PLB1: variants seen among roughly 807,000 people sequenced by gnomAD.
The protein encoded by PLB1 is phospholipase B1, also known as phospholipase B1, membrane-associated.
In PLB1, 242 loss-of-function variants were observed where a neutral mutation model predicts 227.4. That is an observed-to-expected ratio of 1.06 (90% CI 0.96 to 1.18). PLB1 has a LOEUF of 1.18. Among genes scored for constraint, PLB1 ranks in the 50% most tolerant of loss-of-function variants. The pLI is 0.00. For missense variants in PLB1, 1,858 were observed against 1,816.3 expected, an observed-to-expected ratio of 1.02 and a Z score of -0.42; for synonymous variants, 757 against 682.2, an observed-to-expected ratio of 1.11 and a Z score of -1.71.
At chr2:28,576,558 C>T (rs1213921100) in intron 21 of PLB1, among the ~76,000 whole-genome samples, 4 of 152,114 alleles carry the variant, frequency 2.6e-5, no homozygotes, top group Non-Finnish European at 4.4e-5. Flanking sequence ...GGTGAAATCC[C>T]GTCTCTACTA....
intron 30 of PLB1, 95 bp from the exon 31 acceptor site, chr2:28,591,605 A>T: frequency 7.8e-7 from 1 of 1,287,244 alleles, no homozygotes; most frequent in South Asian, 1.2e-5. Context: ...GGACCCAGGA[A>T]TCTGTATTTT....
At chr2:28,574,182 T>C (rs901220155) in intron 21 of PLB1, among the ~76,000 whole-genome samples, 4 of 152,160 alleles carry the variant, frequency 2.6e-5, no homozygotes, top group African/African-American at 9.7e-5. Flanking sequence ...CTTATACTAT[T>C]TGTATTTATT....
At chr2:28,498,228 T>A (rs1353696282) in intron 1 of PLB1, among the ~76,000 whole-genome samples, 2 of 151,588 alleles carry the variant, frequency 1.3e-5, no homozygotes, top group African/African-American at 4.8e-5. Context: ...ATGTTGTTAT[T>A]ATTATTTCTT....
Position 28,629,158 on chromosome 2 carries a change from G to C in PLB1, c.3791G>C (p.Gly1264Ala). 1 of 1,613,894 alleles carries C rather than the reference G, an allele frequency of 6.2e-7. No homozygotes were observed. Among genetic ancestry groups the C allele is most frequent in the Non-Finnish European group, 8.5e-7 (1 of 1,179,916 alleles). ...CTGGCTAGCCTGTACCAGGGCCAAG[G>C]CGGGAAATGTGCCATGCTGGCAGCT... ...MELASLYQGQ[G>A]GKCAMLAAQN... Residue 1264 changes from glycine (G) to alanine (A), a missense_variant, in exon 53 of 58, where the codon GGC becomes GCC. Physicochemically the swap from Gly to Ala is moderately conservative, Grantham distance 60. Coordinates refer to ENST00000327757, the MANE Select transcript of PLB1 (RefSeq NM_153021.5).
In PLB1 at chr2:28,604,697, C is replaced by A. The variant is rs752096627; in HGVS notation, c.2899C>A (p.Gln967Lys). The A allele has an allele frequency of 3.1e-6, 5 of 1,614,198 alleles. No homozygotes were observed. In the South Asian group the frequency reaches 5.5e-5, roughly 18 times the overall value. Residue 967 changes from glutamine (Q) to lysine (K), a missense_variant, in exon 41 of 58, where the codon CAG (glutamine) becomes AAG (lysine). Coordinates refer to ENST00000327757, the MANE Select transcript of PLB1 (RefSeq NM_153021.5). ...GGTGGGGTCAGGCCGCTATGACACG[C>A]AGGAGGACTTCTCTGTGGTGCTGCA... Reference protein sequence around the residue: ...ELVGSGRYDTQEDFSVVLQPF... With the variant: ...ELVGSGRYDTKEDFSVVLQPF...
chr2:28,560,306 T>C (rs765801556), intron 17 of PLB1, among the ~76,000 whole-genome samples: 6 of 151,952 alleles, frequency 3.9e-5, no homozygotes, highest in Admixed American at 1.3e-4. Context: ...GGTGAGGTAA[T>C]TGGGGGAGTG....
chr2:28,538,283 C>A (rs1671974008), intron 9 of PLB1, 36 bp from the exon 10 acceptor site: 1 of 1,613,914 alleles, frequency 6.2e-7, no homozygotes, highest in Non-Finnish European at 8.5e-7. Context: ...GGTCCTCCTG[C>A]AGGCACCCTC....
At chr2:28,640,771 G>T (rs894077215) in intron 56 of PLB1, among the ~76,000 whole-genome samples, 156 bp from the exon 57 acceptor site, 3 of 152,196 alleles carry the variant, frequency 2.0e-5, no homozygotes, top group African/African-American at 7.2e-5. Context: ...GCCCCAGGCT[G>T]CTGGGTCCCT....
chr2:28,536,160 C>A (rs573428140), intron 9 of PLB1, among the ~76,000 whole-genome samples: 1 of 152,226 alleles, frequency 6.6e-6, no homozygotes, highest in Non-Finnish European at 1.5e-5. Context: ...GACCTTTGGG[C>A]TCATTTAATG....
intron 38 of PLB1, 40 bp downstream of exon 38, chr2:28,602,004 A>C: frequency 6.6e-7 from 1 of 1,521,384 alleles, no homozygotes; most frequent in Non-Finnish European, 9.1e-7. Flanking sequence ...CAGCTCAAGC[A>C]TGGTGAGGGT....
chr2:28,544,387 G>C (rs574404538), intron 14 of PLB1, among the ~76,000 whole-genome samples: 1 of 152,338 alleles, frequency 6.6e-6, no homozygotes, highest in South Asian at 2.1e-4. Context: ...GAGGAGGGCT[G>C]ATGATTCCAG....
At chr2:28,623,607 G>GT (rs1359860526) in intron 49 of PLB1, among the ~76,000 whole-genome samples, 3 of 152,148 alleles carry the variant, frequency 2.0e-5, no homozygotes, top group African/African-American at 7.2e-5. Flanking sequence ...GGTACCATGT[G>GT]TGTTTGGCCA....
intron 21 of PLB1, among the ~76,000 whole-genome samples, chr2:28,576,610 A>G (rs924972129): frequency 2.0e-5 from 3 of 152,168 alleles, no homozygotes; most frequent in African/African-American, 7.2e-5. Flanking sequence ...GGTGCCTGTA[A>G]TTCCAGTTAT....
At chr2:28,594,341 G>A (rs1357047512) in intron 33 of PLB1, 5 of 213,266 alleles carry the variant, frequency 2.3e-5, no homozygotes, top group South Asian at 1.8e-4. Flanking sequence ...TGTGTCAGGC[G>A]AGCGGTTGCG....
At chr2:28,601,469 C>CCACA (rs3071740) in intron 37 of PLB1, 137 bp downstream of exon 37, 22,595 of 598,084 alleles carry the variant, frequency 0.038, 172 homozygotes, top group African/African-American at 0.054. Context: ...TATACACATA[C>CCACA]CACACACACA....
chr2:28,548,076 T>C (rs1292184875), intron 14 of PLB1, among the ~76,000 whole-genome samples: 1 of 152,064 alleles, frequency 6.6e-6, no homozygotes, highest in Non-Finnish European at 1.5e-5. Context: ...CTAGATACTC[T>C]AGCGGTTTGT....
intron 13 of PLB1, among the ~76,000 whole-genome samples, chr2:28,542,542 G>C (rs983386581): frequency 9.9e-5 from 15 of 152,094 alleles, no homozygotes; most frequent in African/African-American, 3.6e-4. Context: ...TCCGGTGCTG[G>C]GGAAGTGCTC....
rs144261056 is a variant in PLB1 at position 28,551,754 on chromosome 2, G to A, written c.1084-1174G>A. Among the ~76,000 whole-genome samples, 69 of 152,262 alleles carry A rather than the reference G, an allele frequency of 4.5e-4. 1 individual carries two copies. The East Asian group carries it at 9.3e-3, about 20-fold the overall frequency. ...AATGACAGTAATAGTCGTACCTTGC[G>A]GAGTTATTAATGTCATAAGTCAGTA... On this transcript the variant is annotated intron_variant, in intron 16 of 57. Transcript: ENST00000327757.
chr2:28,500,558 G>A (rs1370392066), intron 1 of PLB1, among the ~76,000 whole-genome samples: 3 of 151,998 alleles, frequency 2.0e-5, no homozygotes, highest in Non-Finnish European at 4.4e-5. Flanking sequence ...GCTATTGTCA[G>A]TTGGGTTTCC....
Sources: gnomAD v4.1 joint callset for allele counts (sites outside exome capture counted in the v4.1 genomes callset) on GRCh38, gnomAD v4.1.1 for gene constraint, MANE v1.5 for transcripts, NCBI Gene and HGNC (gene_info 2026-07-23, HGNC 2026-07-21) for gene names.